Variants in AP3M1 observed in about 807,000 individuals in gnomAD.
AP3M1 encodes the protein AP-3 complex subunit mu-1.
In AP3M1, 29 loss-of-function variants were observed where a neutral mutation model predicts 42.6. That is an observed-to-expected ratio of 0.68 (90% CI 0.51 to 0.93). The LOEUF is 0.93. AP3M1 is among the 40% of genes least tolerant of loss of function. The pLI is 0.00. For missense variants in AP3M1, 416 were observed against 510.2 expected (o/e 0.82, Z 1.78); for synonymous variants, 178 against 175.3 (o/e 1.02, Z -0.12).
chr10:74,133,880 T>TC, intron 4 of AP3M1, 147 bp downstream of exon 4: 2 of 882,812 alleles, frequency 2.3e-6, no homozygotes, highest in South Asian at 3.4e-5. Context: ...GGTCTCGAAC[T>TC]CTGACCTCAT....
At chr10:74,130,627 G>A (rs971165721) in intron 4 of AP3M1, among the ~76,000 whole-genome samples, 2 of 151,712 alleles carry the variant, frequency 1.3e-5, no homozygotes, top group Non-Finnish European at 2.9e-5. Flanking sequence ...TTTTTTTGTA[G>A]AGACAGGGTC....
intron 3 of AP3M1, among the ~76,000 whole-genome samples, chr10:74,134,555 G>A (rs1214009796): frequency 2.0e-5 from 3 of 152,222 alleles, no homozygotes; most frequent in Admixed American, 2.0e-4. Context: ...AGGCCCTTCA[G>A]TATTCAACTT....
intron 4 of AP3M1, among the ~76,000 whole-genome samples, chr10:74,133,314 A>C (rs574111628): frequency 6.6e-6 from 1 of 151,946 alleles, no homozygotes; most frequent in Non-Finnish European, 1.5e-5. Context: ...GAACTGCTTG[A>C]ACCCGGGAGG....
rs1164410376 is a variant in AP3M1, at chr10:74,122,957, G to A, written c.*853C>T. ...TGAAGATGGCAAAGGTTTCACTTAA[G>A]TTTTTCTTTTACTACTTTAATTTGC... On this transcript the variant is annotated 3_prime_UTR_variant, in exon 9 of 9. Transcript: ENST00000355264. 1.3e-5 allele frequency: 2 copies of A among 152,528 alleles called. No homozygotes were observed. Among genetic ancestry groups the A allele is most frequent in the African/African-American group, 4.8e-5 (2 of 41,444 alleles). 9.4% of individuals were successfully genotyped at this position (152,528 alleles called of 1,614,324 possible).
chr10:74,147,563 C>A (rs1005221028), intron 1 of AP3M1, among the ~76,000 whole-genome samples: 10 of 152,158 alleles, frequency 6.6e-5, no homozygotes, highest in Non-Finnish European at 1.0e-4. Flanking sequence ...TTTAATACCA[C>A]AGAATATTCT....
intron 4 of AP3M1, among the ~76,000 whole-genome samples, chr10:74,133,700 G>A (rs1840852051): frequency 6.7e-6 from 1 of 150,332 alleles, no homozygotes; most frequent in South Asian, 2.1e-4. Flanking sequence ...ACAGAGCCAG[G>A]CTGGAGTGCA....
In AP3M1 at chr10:74,133,597, C is replaced by T. The variant is rs1840847584; in HGVS notation, c.583+430G>A. Reference sequence around the variant, plus strand: ...TAAATAAACAAACAGATTTAAAAATCATCAGATAATGAATGCCTTTCCACC... The same window carrying T: ...TAAATAAACAAACAGATTTAAAAATTATCAGATAATGAATGCCTTTCCACC... On this transcript the variant is annotated intron_variant, in intron 4 of 8. Transcript: ENST00000355264. Among the ~76,000 whole-genome samples, 2 of 151,624 alleles carry T rather than the reference C, an allele frequency of 1.3e-5. 1 individual carries two copies. The highest frequency in any genetic ancestry group is 4.2e-4 in the South Asian group (2 of 4,814).
At chr10:74,132,571 G>A (rs1204725237) in intron 4 of AP3M1, among the ~76,000 whole-genome samples, 3 of 151,772 alleles carry the variant, frequency 2.0e-5, no homozygotes, top group Admixed American at 6.6e-5. Flanking sequence ...GGCGTGTGGC[G>A]TGTACCTCCT....
At chr10:74,133,687 G>A (rs1303495398) in intron 4 of AP3M1, among the ~76,000 whole-genome samples, 1 of 122,610 alleles carries the variant, frequency 8.2e-6, no homozygotes, top group South Asian at 2.5e-4. Flanking sequence ...TTTTTTTGTT[G>A]AGACAGAGCC....
Position 74,136,756 on chromosome 10 carries a change from G to A in AP3M1, c.321C>T (p.Val107=). Residue 107 remains valine (V), a synonymous_variant, in exon 3 of 9, where the codon GTC becomes GTT. Transcript: ENST00000355264. ...TTTCTTCTAAGAGTTCATATACTATGACCACATTATCCTTAATTGCAGCCT... is the reference window on the plus strand; with the variant it reads ...TTTCTTCTAAGAGTTCATATACTATAACCACATTATCCTTAATTGCAGCCT... ...CSEAAIKDNV[V]IVYELLEEML... 5.7e-6 allele frequency: 9 copies of A among 1,566,524 alleles called. No homozygotes were observed. Among genetic ancestry groups the A allele is most frequent in the Non-Finnish European group, 7.9e-6 (9 of 1,145,390 alleles).
Position 74,134,024 on chromosome 10 carries a change from T to C in AP3M1, c.583+3A>G. On this transcript the variant is annotated splice_donor_region_variant and intron_variant, in intron 4 of 8. Coordinates refer to ENST00000355264, the MANE Select transcript of AP3M1 (RefSeq NM_012095.6). ...CCAAATAAGATGACATGCACACAAT[T>C]ACCTGATTTATCTATAATTGCGTCT... 6.8e-6 allele frequency: 11 copies of C among 1,613,792 alleles called. No homozygotes were observed. Among genetic ancestry groups the C allele is most frequent in the Non-Finnish European group, 9.3e-6 (11 of 1,179,780 alleles).
At chr10:74,139,949 G>A (rs541272787) in intron 1 of AP3M1, among the ~76,000 whole-genome samples, 6 of 150,744 alleles carry the variant, frequency 4.0e-5, no homozygotes, top group Non-Finnish European at 5.9e-5. Flanking sequence ...CTGCCTTTTC[G>A]TGGAATTTGA....
At chr10:74,136,104 T>A (rs1468474852) in intron 3 of AP3M1, among the ~76,000 whole-genome samples, 1 of 152,248 alleles carries the variant, frequency 6.6e-6, no homozygotes, top group East Asian at 1.9e-4. Context: ...CCACAATGCA[T>A]GAGATCTCAT....
Position 74,121,652 on chromosome 10 carries a change from G to A in AP3M1, c.*2158C>T, listed in dbSNP as rs556487985. On this transcript the variant is annotated 3_prime_UTR_variant, in exon 9 of 9. Coordinates refer to ENST00000355264, the MANE Select transcript of AP3M1 (RefSeq NM_012095.6). The stretch of plus-strand genomic sequence containing the variant: ...TGAGAAGTGCTTTGCAGCAACACTC[G>A]CAGCTTGTGTGATGATGCAGAAGAA... The A allele has an allele frequency of 3.3e-5, 5 of 152,284 alleles. No individual in the cohort carries two copies. The highest frequency in any genetic ancestry group is 2.1e-4 in the South Asian group (1 of 4,822). 9.4% of individuals were successfully genotyped at this position (152,284 alleles called of 1,614,324 possible).
chr10:74,144,731 C>T (rs1841279087), intron 1 of AP3M1, among the ~76,000 whole-genome samples: 1 of 149,420 alleles, frequency 6.7e-6, no homozygotes, highest in Admixed American at 6.7e-5. Context: ...GGCACGATTT[C>T]CTCTTACCAC....
chr10:74,150,724 A>C (rs533917975), intron 1 of AP3M1, 31 bp downstream of exon 1: 1 of 155,978 alleles, frequency 6.4e-6, no homozygotes, highest in East Asian at 1.9e-4. Context: ...AGCTGTCCCC[A>C]GTCCACAGAT....
At chr10:74,149,789 T>C (rs1014112175) in intron 1 of AP3M1, among the ~76,000 whole-genome samples, 2 of 152,144 alleles carry the variant, frequency 1.3e-5, no homozygotes, top group African/African-American at 4.8e-5. Context: ...CAAATAGATA[T>C]CTTGTATTCT....
chr10:74,132,182 C>A (rs970735920), intron 4 of AP3M1, among the ~76,000 whole-genome samples: 1 of 151,894 alleles, frequency 6.6e-6, no homozygotes, highest in South Asian at 2.1e-4. Flanking sequence ...GGTTTACAGG[C>A]GCCTGCCACC....
chr10:74,144,050 C>T (rs1312744478), intron 1 of AP3M1, among the ~76,000 whole-genome samples: 2 of 152,182 alleles, frequency 1.3e-5, no homozygotes, highest in African/African-American at 2.4e-5. Flanking sequence ...CAAGCTCCGC[C>T]TCCCAGGTTC....
Sources: gnomAD v4.1 joint callset for allele counts (sites outside exome capture counted in the v4.1 genomes callset) on GRCh38, gnomAD v4.1.1 for gene constraint, MANE v1.5 for transcripts, NCBI Gene and HGNC (gene_info 2026-07-23, HGNC 2026-07-21) for gene names.